The following FREM1 variants were observed in gnomAD, a reference collection of about 807,000 sequenced individuals.
The protein encoded by FREM1 is FRAS1 related extracellular matrix 1.
In FREM1, 220 loss-of-function variants were observed where a neutral mutation model predicts 210.1. The ratio of observed to expected loss-of-function variants is 1.05; its 90% CI spans 0.94 to 1.17. The LOEUF is 1.17. Among genes scored for constraint, FREM1 ranks in the 50% most tolerant of loss-of-function variants. The probability of loss-of-function intolerance (pLI) is 0.00; values close to 1 mark genes in which losing one functional copy is unlikely to be tolerated. For synonymous variants in FREM1, 1,189 were observed against 980.2 expected (o/e 1.21, Z -3.98); for missense variants, 3,454 against 2,675.5 (o/e 1.29, Z -6.42).
At chr9:14,877,681 G>A (rs1834024606) in intron 1 of FREM1, among the ~76,000 whole-genome samples, 1 of 151,928 alleles carries the variant, frequency 6.6e-6, no homozygotes, top group Non-Finnish European at 1.5e-5. Flanking sequence ...GGATTCTACT[G>A]TCACAAGGAA....
At chr9:14,754,239 G>A (rs975089067) in intron 29 of FREM1, among the ~76,000 whole-genome samples, 2 of 152,192 alleles carry the variant, frequency 1.3e-5, no homozygotes, top group Non-Finnish European at 2.9e-5. Context: ...GAAGGGACAT[G>A]GCGCACATCA....
At chr9:14,803,256 CCT>C (rs1261914337) in intron 19 of FREM1, among the ~76,000 whole-genome samples, 5 of 118,280 alleles carry the variant, frequency 4.2e-5, no homozygotes, top group Non-Finnish European at 9.3e-5. Flanking sequence ...TTCCTCTCTT[CCT>C]CTCTTTCTTT....
At chr9:14,903,994 C>T (rs1056402540) in intron 1 of FREM1, among the ~76,000 whole-genome samples, 3 of 151,212 alleles carry the variant, frequency 2.0e-5, no homozygotes, top group East Asian at 2.0e-4. Context: ...TGGTGGCAGG[C>T]GCCTGTAGTC....
In FREM1 at chr9:14,806,657, T is replaced by C. The variant is rs761999855; in HGVS notation, c.3274+4A>G. Reference sequence around the variant, plus strand: ...TCATTGCTGGTGACGAAGCTACAGCTTACCTATACTTATGCCAATATTGCT... The same window carrying C: ...TCATTGCTGGTGACGAAGCTACAGCCTACCTATACTTATGCCAATATTGCT... On this transcript the variant is annotated splice_donor_region_variant and intron_variant, in intron 18 of 36. Coordinates refer to ENST00000380880, the MANE Select transcript of FREM1 (RefSeq NM_001379081.2). 1.3e-6 allele frequency: 2 copies of C among 1,542,116 alleles called. No individual in the cohort carries two copies. The highest frequency in any genetic ancestry group is 4.5e-5 in the East Asian group (2 of 44,066).
intron 22 of FREM1, 44 bp from the exon 23 acceptor site, chr9:14,789,158 T>C (rs1850888841): frequency 7.2e-7 from 1 of 1,393,552 alleles, no homozygotes; most frequent in African/African-American, 1.4e-5. Context: ...GTTTTTTCTT[T>C]TCCCCCAACG....
chr9:14,738,122 G>C (rs894259030), intron 36 of FREM1, among the ~76,000 whole-genome samples: 1 of 152,136 alleles, frequency 6.6e-6, no homozygotes, highest in Non-Finnish European at 1.5e-5. Context: ...GTTTCAATCT[G>C]CTACAATTCC....
chr9:14,765,274 G>C (rs1313439104), intron 27 of FREM1, among the ~76,000 whole-genome samples: 2 of 152,118 alleles, frequency 1.3e-5, no homozygotes, highest in Non-Finnish European at 2.9e-5. Context: ...CTTGATAATG[G>C]GGAAACAGTG....
chr9:14,772,181 A>G (rs1186917513), intron 25 of FREM1, among the ~76,000 whole-genome samples: 2 of 152,170 alleles, frequency 1.3e-5, no homozygotes, highest in Admixed American at 6.5e-5. Context: ...TTTTGCTGGT[A>G]GGGGTGCAAA....
chr9:14,753,163 T>C (rs1354183394), intron 29 of FREM1, among the ~76,000 whole-genome samples: 2 of 152,250 alleles, frequency 1.3e-5, no homozygotes, highest in Admixed American at 6.5e-5. Flanking sequence ...ACTGGCTCCC[T>C]GTTCCCACAA....
intron 1 of FREM1, among the ~76,000 whole-genome samples, chr9:14,878,625 C>CA (rs1834224675): frequency 6.6e-6 from 1 of 152,108 alleles, no homozygotes; most frequent in Non-Finnish European, 1.5e-5. Context: ...CTTTCAATGG[C>CA]AAAAAACCAC....
At chr9:14,796,219 T>TG (rs1208901570) in intron 21 of FREM1, among the ~76,000 whole-genome samples, 2 of 152,114 alleles carry the variant, frequency 1.3e-5, no homozygotes, top group Admixed American at 1.3e-4. Context: ...GGAAGAGATT[T>TG]GGGGGGTTTG....
chr9:14,749,960 A>G (rs1268851692), intron 30 of FREM1, among the ~76,000 whole-genome samples, 167 bp downstream of exon 30: 3 of 152,238 alleles, frequency 2.0e-5, no homozygotes, highest in Middle Eastern at 3.2e-3. Flanking sequence ...GGAAAACCAC[A>G]TGAAGCAGAA....
chr9:14,769,026 C>A (rs987493195), intron 27 of FREM1, among the ~76,000 whole-genome samples: 2 of 152,162 alleles, frequency 1.3e-5, no homozygotes, highest in Admixed American at 1.3e-4. Flanking sequence ...CTTTCTATGA[C>A]TATCTGTTAG....
In FREM1 at chr9:14,859,281, G is replaced by A. The variant is rs201834847; in HGVS notation, c.533C>T (p.Ala178Val). ...GCCATGGGCTGGCAGCCGAGTTCTCGCAGTGTCCAGGCTGACGGTACATTC... is the reference window on the plus strand; with the variant it reads ...GCCATGGGCTGGCAGCCGAGTTCTCACAGTGTCCAGGCTGACGGTACATTC... The part of the protein sequence containing the change: ...SLECTVSLDT[A>V]RTRLPAHGQM... The change falls in exon 4 of 37, where the codon GCG becomes GTG. Residue 178 changes from alanine (A) to valine (V), a missense_variant. Ala to Val is a moderately conservative substitution (Grantham distance 64, BLOSUM62 0). Coordinates refer to ENST00000380880, the MANE Select transcript of FREM1 (RefSeq NM_001379081.2). 9.6e-5 allele frequency: 155 copies of A among 1,613,700 alleles called. No individual in the cohort carries two copies. In the Middle Eastern group the frequency reaches 1.2e-3, roughly 12 times the overall value.
In FREM1 at chr9:14,882,828, G is replaced by A. The variant is rs554913631; in HGVS notation, c.-267-13584C>T. ...AATGGGAGGCTGAAGCAGGAGAATC[G>A]CCTGAACCTGGGAGGCAGAGGTTGC... On this transcript the variant is annotated intron_variant, in intron 1 of 36. Transcript: ENST00000380880. 3.3e-4 allele frequency among the ~76,000 whole-genome samples: 48 copies of A among 146,540 alleles called. 1 individual carries two copies. In the South Asian group the frequency reaches 0.01, roughly 31 times the overall value.
chr9:14,783,684 T>C (rs1160284685), intron 24 of FREM1, among the ~76,000 whole-genome samples: 1 of 152,234 alleles, frequency 6.6e-6, no homozygotes, highest in Admixed American at 6.5e-5. Context: ...CAAATTTCCA[T>C]ATTTTAAATG....
At chr9:14,766,483 AGG>A (rs1254254678) in intron 27 of FREM1, among the ~76,000 whole-genome samples, 2 of 152,128 alleles carry the variant, frequency 1.3e-5, no homozygotes, top group African/African-American at 4.8e-5. Flanking sequence ...CGATGATTCC[AGG>A]ATGTGATGCA....
intron 1 of FREM1, among the ~76,000 whole-genome samples, chr9:14,887,140 C>G (rs896249282): frequency 8.5e-5 from 13 of 152,170 alleles, no homozygotes; most frequent in African/African-American, 3.1e-4. Flanking sequence ...ACTGTGTCCT[C>G]AGGGAACAAC....
intron 10 of FREM1, among the ~76,000 whole-genome samples, chr9:14,826,917 G>A (rs961852539): frequency 5.9e-5 from 9 of 152,124 alleles, no homozygotes; most frequent in South Asian, 2.1e-4. Context: ...TGGACTTCCC[G>A]GCTGCCAGAA....
Sources: allele counts gnomAD v4.1 joint callset (sites outside exome capture counted in the v4.1 genomes callset), GRCh38; gene constraint gnomAD v4.1.1; transcripts MANE v1.5; gene names NCBI Gene and HGNC (gene_info 2026-07-23, HGNC 2026-07-21).